Variants in RAD51B observed in about 807,000 individuals in gnomAD.
RAD51B encodes RAD51 paralog B, also known as DNA repair protein RAD51 homolog 2.
Under a neutral mutation model 42.2 loss-of-function variants are expected in RAD51B, and 38 were observed. The observed-to-expected ratio is 0.90, with a 90% CI of 0.70 to 1.18. The LOEUF (loss-of-function observed/expected upper bound fraction) is 1.18, where lower values mean the gene tolerates loss of function less well. Ranked by LOEUF, RAD51B falls within the 50% of genes most tolerant of loss-of-function variation. RAD51B has a pLI of 0.00. For synonymous variants in RAD51B, 154 were observed against 145.2 expected, an observed-to-expected ratio of 1.06 and a Z score of -0.43; for missense variants, 373 against 400.7, an observed-to-expected ratio of 0.93 and a Z score of 0.59.
intron 7 of RAD51B, among the ~76,000 whole-genome samples, chr14:68,099,550 G>A (rs1048973241): frequency 6.6e-6 from 1 of 152,140 alleles, no homozygotes; most frequent in Admixed American, 6.5e-5. Flanking sequence ...TTGCAAGCAG[G>A]GCACCCTTCC....
At chr14:68,291,257 G>T (rs1325322614) in intron 7 of RAD51B, among the ~76,000 whole-genome samples, 1 of 152,044 alleles carries the variant, frequency 6.6e-6, no homozygotes, top group Non-Finnish European at 1.5e-5. Context: ...AGAGTGCAAT[G>T]GTGCAATCTC....
chr14:68,145,467 TATTAA>T (rs1427969867), intron 7 of RAD51B, among the ~76,000 whole-genome samples: 3 of 152,198 alleles, frequency 2.0e-5, no homozygotes, highest in Non-Finnish European at 2.9e-5. Context: ...TTATTGTGGG[TATTAA>T]ATTATATAAC....
At chr14:68,309,092 G>A (rs901081664) in intron 8 of RAD51B, among the ~76,000 whole-genome samples, 1 of 152,030 alleles carries the variant, frequency 6.6e-6, no homozygotes, top group East Asian at 1.9e-4. Flanking sequence ...TAAGATGGGC[G>A]TTTCATATTT....
At chr14:68,366,003 G>A (rs1473498446) in intron 8 of RAD51B, among the ~76,000 whole-genome samples, 3 of 152,130 alleles carry the variant, frequency 2.0e-5, no homozygotes, top group Non-Finnish European at 4.4e-5. Context: ...CAAACACAGA[G>A]CAATTCAAAG....
In RAD51B at chr14:67,975,779, T is replaced by G. The variant is rs2074981632; in HGVS notation, c.756+88575T>G. Among the ~76,000 whole-genome samples, 4 of 152,360 alleles carry G rather than the reference T, an allele frequency of 2.6e-5. No individual in the cohort carries two copies. The South Asian group carries it at 8.3e-4, about 32-fold the overall frequency. On this transcript the variant is annotated intron_variant, in intron 7 of 10. Transcript: ENST00000471583. ...TGATTGTCACAAGAGCAGATTACAG[T>G]CTGTTTACACATCCTTTTAGATTAT...
chr14:68,562,710 T>G, intron 10 of RAD51B: 1 of 985,386 alleles, frequency 1.0e-6, no homozygotes, highest in Non-Finnish European at 1.2e-6. Context: ...AGTGGCCATT[T>G]GTTTCCCCAC....
chr14:67,885,374 A>C (rs991914500), intron 5 of RAD51B, among the ~76,000 whole-genome samples: 1 of 152,210 alleles, frequency 6.6e-6, no homozygotes, highest in African/African-American at 2.4e-5. Context: ...TTGGGCCATA[A>C]TTTAAAGGAA....
At chr14:68,129,048 T>A (rs2077832329) in intron 7 of RAD51B, among the ~76,000 whole-genome samples, 1 of 152,200 alleles carries the variant, frequency 6.6e-6, no homozygotes, top group Non-Finnish European at 1.5e-5. Flanking sequence ...TCACTGTGAA[T>A]GAGAAAGCCA....
At chr14:68,534,706 ATAGCAG>A (rs1377421083) in intron 10 of RAD51B, among the ~76,000 whole-genome samples, 2 of 152,174 alleles carry the variant, frequency 1.3e-5, no homozygotes, top group Non-Finnish European at 2.9e-5. Flanking sequence ...TCAGATATTA[ATAGCAG>A]TACCAACATA....
At chr14:67,888,737 T>G (rs1039019207) in intron 7 of RAD51B, among the ~76,000 whole-genome samples, 4 of 152,106 alleles carry the variant, frequency 2.6e-5, no homozygotes, top group African/African-American at 9.7e-5. Context: ...TTATAAGTAA[T>G]GTAAAGTTGA....
At chr14:68,233,705 C>T (rs2080190533) in intron 7 of RAD51B, among the ~76,000 whole-genome samples, 1 of 152,114 alleles carries the variant, frequency 6.6e-6, no homozygotes. Flanking sequence ...TGAGTTGAAG[C>T]TTCAAGAATA....
chr14:68,455,398 G>A (rs942194789), intron 9 of RAD51B, among the ~76,000 whole-genome samples: 1 of 152,040 alleles, frequency 6.6e-6, no homozygotes, highest in African/African-American at 2.4e-5. Context: ...AAGGACACTA[G>A]AGAGTAACTC....
chr14:68,094,537 A>G (rs1367393698), intron 7 of RAD51B, among the ~76,000 whole-genome samples: 1 of 152,256 alleles, frequency 6.6e-6, no homozygotes, highest in Non-Finnish European at 1.5e-5. Context: ...ATATTTTTCA[A>G]AGAAACACTC....
chr14:68,007,603 T>C (rs1451248424), intron 7 of RAD51B, among the ~76,000 whole-genome samples: 2 of 152,070 alleles, frequency 1.3e-5, no homozygotes, highest in East Asian at 3.8e-4. Flanking sequence ...ATTTTCCTAA[T>C]GTCTAATGAT....
chr14:68,654,161 G>C (rs573568696), intron 11 of RAD51B, among the ~76,000 whole-genome samples: 1 of 152,380 alleles, frequency 6.6e-6, no homozygotes. Context: ...GAAGGGGCAG[G>C]ATTTGAAAGC....
At chr14:67,886,836 A>G (rs1317052435) in intron 6 of RAD51B, 185 bp from the exon 7 acceptor site, 5 of 412,854 alleles carry the variant, frequency 1.2e-5, no homozygotes, top group Non-Finnish European at 2.1e-5. Context: ...ACACAGAAAC[A>G]GTTTGCTCTG....
chr14:68,501,188 G>C (rs915466429), intron 10 of RAD51B, among the ~76,000 whole-genome samples: 2 of 152,136 alleles, frequency 1.3e-5, no homozygotes, highest in Admixed American at 1.3e-4. Context: ...AGACCTCAGT[G>C]CAAGATAAAG....
At chr14:68,666,857 A>C (rs902946670) in intron 11 of RAD51B, among the ~76,000 whole-genome samples, 2 of 152,188 alleles carry the variant, frequency 1.3e-5, no homozygotes, top group Non-Finnish European at 2.9e-5. Context: ...AACCAACAGG[A>C]TCTCCCTCTA....
At chr14:68,007,655 T>C (rs1248784787) in intron 7 of RAD51B, among the ~76,000 whole-genome samples, 1 of 152,120 alleles carries the variant, frequency 6.6e-6, no homozygotes, top group Non-Finnish European at 1.5e-5. Context: ...TTTACATCTC[T>C]TCTTTGGCAA....
Sources: gnomAD v4.1 joint callset for allele counts (sites outside exome capture counted in the v4.1 genomes callset) on GRCh38, gnomAD v4.1.1 for gene constraint, MANE v1.5 for transcripts, NCBI Gene and HGNC (gene_info 2026-07-23, HGNC 2026-07-21) for gene names.